Variants in NFIB observed in about 807,000 individuals in gnomAD.
The protein encoded by NFIB is nuclear factor 1 B-type.
NFIB carries 11 observed loss-of-function variants against 61.5 expected under a neutral mutation model. The ratio of observed to expected loss-of-function variants is 0.18; its 90% confidence interval spans 0.11 to 0.30. The LOEUF is 0.30. NFIB is among the 10% of genes least tolerant of loss of function. The pLI, the probability that NFIB is intolerant of heterozygous loss-of-function variation, is 1.00. For missense variants in NFIB, 471 were observed against 608.9 expected (o/e 0.77, Z 2.38); for synonymous variants, 260 against 216.5 (o/e 1.20, Z -1.76).
chr9:14,349,418 G>A (rs1283420959), intron 1 of NFIB, among the ~76,000 whole-genome samples: 1 of 152,108 alleles, frequency 6.6e-6, no homozygotes, highest in Non-Finnish European at 1.5e-5. Context: ...GGGTTCAACC[G>A]GGAAATTTTC....
chr9:14,270,636 G>C (rs911059342), intron 2 of NFIB, among the ~76,000 whole-genome samples: 4 of 131,232 alleles, frequency 3.0e-5, no homozygotes, highest in Non-Finnish European at 6.4e-5. Flanking sequence ...CATCAGCTTA[G>C]ATTAAACCTT....
chr9:14,341,595 A>G (rs2060951418), intron 1 of NFIB, among the ~76,000 whole-genome samples: 1 of 152,200 alleles, frequency 6.6e-6, no homozygotes, highest in Non-Finnish European at 1.5e-5. Flanking sequence ...CAAGGCTCCG[A>G]TAAAACAGGA....
At chr9:14,110,602 T>C (rs2037214712) in intron 10 of NFIB, among the ~76,000 whole-genome samples, 1 of 152,124 alleles carries the variant, frequency 6.6e-6, no homozygotes, top group Non-Finnish European at 1.5e-5. Flanking sequence ...TTTAAATCTT[T>C]GTAAAGTAAT....
At chr9:14,433,659 A>G in the NFIB span, among the ~76,000 whole-genome samples, 4 of 152,148 alleles carry the variant, frequency 2.6e-5, no homozygotes, top group African/African-American at 9.7e-5. Flanking sequence ...TCAAAGCAGA[A>G]CTTAAGTAGT....
At chr9:14,206,285 T>TCGGCCTCTTGAGTATCTAGG (rs2049701823) in intron 2 of NFIB, among the ~76,000 whole-genome samples, 1 of 151,512 alleles carries the variant, frequency 6.6e-6, no homozygotes, top group African/African-American at 2.4e-5. Flanking sequence ...CAAACAATCC[T>TCGGCCTCTTGAGTATCTAGG]CCCACCTCGG....
At chr9:14,181,077 T>C (rs974283716) in intron 2 of NFIB, among the ~76,000 whole-genome samples, 2 of 152,164 alleles carry the variant, frequency 1.3e-5, no homozygotes, top group African/African-American at 4.8e-5. Context: ...TCCAGGTAAG[T>C]GATTAACATA....
Position 14,313,459 on chromosome 9 carries a change from G to A in NFIB, c.30+23C>T. 5.6e-6 allele frequency: 9 copies of A among 1,613,612 alleles called. No homozygotes were observed. The highest frequency in any genetic ancestry group is 1.1e-5 in the South Asian group (1 of 91,024). Reference sequence around the variant, plus strand: ...GCATTTCGGGCCAGAGAGAAAGCTCGAGAAAGCGACCGAGACATGTACCTG... The same window carrying A: ...GCATTTCGGGCCAGAGAGAAAGCTCAAGAAAGCGACCGAGACATGTACCTG... On this transcript the variant is annotated intron_variant, in intron 1 of 10. Coordinates refer to ENST00000380953, the MANE Select transcript of NFIB (RefSeq NM_001190737.2). This position sits in a 1 kb window ranked among gnomAD's most constrained non-coding sequence, Gnocchi z 4.5.
At chr9:14,498,988 TTGTG>T in the NFIB span, among the ~76,000 whole-genome samples, 29 of 151,852 alleles carry the variant, frequency 1.9e-4, no homozygotes, top group African/African-American at 6.8e-4. Context: ...TCATTGGCAA[TTGTG>T]TGTATGTGTG....
intron 2 of NFIB, among the ~76,000 whole-genome samples, chr9:14,245,986 T>C (rs1382351946): frequency 1.3e-5 from 2 of 151,984 alleles, no homozygotes; most frequent in African/African-American, 4.8e-5. Flanking sequence ...TCCATCACTC[T>C]AGAGGAGTGT....
In NFIB at chr9:14,360,635, C is replaced by T. The variant is rs1266698154; in HGVS notation, c.108+37889G>A. The stretch of plus-strand genomic sequence containing the variant: ...TCTCGGCTCACTGCAAGCTCCGCCT[C>T]CCGGGCTCACACCATTCTCCTGCCT... On this transcript the variant is annotated intron_variant, in intron 1 of 8. Coordinates refer to the NFIB transcript ENST00000380934. Among the ~76,000 whole-genome samples, 9 of 151,742 alleles carry T rather than the reference C, an allele frequency of 5.9e-5. No individual in the cohort carries two copies. The East Asian group carries it at 1.6e-3, about 26-fold the overall frequency.
At chr9:14,248,211 C>G (rs1264210864) in intron 2 of NFIB, among the ~76,000 whole-genome samples, 1 of 150,938 alleles carries the variant, frequency 6.6e-6, no homozygotes, top group Non-Finnish European at 1.5e-5. Context: ...TTCTTTCCTT[C>G]TTTCCTCCCT....
In NFIB at chr9:14,383,998, G is replaced by T. The variant is rs548178317; in HGVS notation, c.108+14526C>A. Among the ~76,000 whole-genome samples, 6 of 152,344 alleles carry T rather than the reference G, an allele frequency of 3.9e-5. No homozygotes were observed. The South Asian group carries it at 1.0e-3, about 26-fold the overall frequency. Reference sequence around the variant, plus strand: ...GCCAAGGCCTTGCAGAGAAAAGGCCGGGGTGCCCAGGCTCGTGATTGGCTG... The same window carrying T: ...GCCAAGGCCTTGCAGAGAAAAGGCCTGGGTGCCCAGGCTCGTGATTGGCTG... On this transcript the variant is annotated intron_variant, in intron 1 of 8. Transcript: ENST00000380934.
the NFIB span, among the ~76,000 whole-genome samples, chr9:14,503,793 T>C: frequency 6.6e-6 from 1 of 152,214 alleles, no homozygotes; most frequent in East Asian, 1.9e-4. Flanking sequence ...CTGCTGACTA[T>C]TTCTTTCGCT....
chr9:14,295,409 G>C (rs201224835), intron 2 of NFIB, among the ~76,000 whole-genome samples: 3 of 152,060 alleles, frequency 2.0e-5, no homozygotes, highest in African/African-American at 4.8e-5. Flanking sequence ...GGCAGATCAC[G>C]AGGTCAGGAG....
chr9:14,452,164 G>A, the NFIB span, among the ~76,000 whole-genome samples: 1 of 152,090 alleles, frequency 6.6e-6, no homozygotes, highest in African/African-American at 2.4e-5. Flanking sequence ...TTTCTAATGA[G>A]TAATAAAGGA....
rs529505556 is a variant in NFIB, at chr9:14,128,002, G to GA, written c.926-2237dup. Among the ~76,000 whole-genome samples, 55 of 142,634 alleles carry GA rather than the reference G, an allele frequency of 3.9e-4. 1 individual carries two copies. The highest frequency in any genetic ancestry group is 1.2e-3 in the African/African-American group (47 of 38,942). The allele number at this position is 142,634 out of a possible 152,430, so 93.6% of individuals were successfully genotyped here. ...AGCAATTAATGCCACTATAAAAAAA[G>GA]AAAAAAAATTTAAACCATGGTTTAA... On this transcript the variant is annotated intron_variant, in intron 6 of 10. Transcript: ENST00000380953.
At chr9:14,505,497 G>C in the NFIB span, among the ~76,000 whole-genome samples, 1 of 152,160 alleles carries the variant, frequency 6.6e-6, no homozygotes, top group Non-Finnish European at 1.5e-5. Flanking sequence ...ACTTGTGCAT[G>C]AATCACTGCT....
intron 7 of NFIB, among the ~76,000 whole-genome samples, chr9:14,124,489 A>T (rs1421669707): frequency 6.6e-6 from 1 of 152,198 alleles, no homozygotes; most frequent in Non-Finnish European, 1.5e-5. Flanking sequence ...ATACTTACAA[A>T]CCAAAGCTAA....
intron 2 of NFIB, among the ~76,000 whole-genome samples, chr9:14,230,769 G>C (rs2053031801): frequency 6.6e-6 from 1 of 152,086 alleles, no homozygotes; most frequent in African/African-American, 2.4e-5. Context: ...GTTCCAGAGA[G>C]AAAAGTGAGA....
Sources: allele counts gnomAD v4.1 joint callset (sites outside exome capture counted in the v4.1 genomes callset), GRCh38; gene constraint gnomAD v4.1.1; non-coding constraint Gnocchi (gnomAD v3.1); transcripts MANE v1.5; gene names NCBI Gene and HGNC (gene_info 2026-07-23, HGNC 2026-07-21).